FSTL5: variants seen among roughly 807,000 people sequenced by gnomAD.
The protein encoded by FSTL5 is follistatin-related protein 5.
FSTL5 carries 62 observed loss-of-function variants against 89.1 expected under a neutral mutation model. The observed-to-expected ratio is 0.70, with a 90% CI of 0.57 to 0.86. The LOEUF (loss-of-function observed/expected upper bound fraction) is 0.86, where lower values mean the gene tolerates loss of function less well. Among genes scored for constraint, FSTL5 ranks in the 40% least tolerant of loss-of-function variants. The probability of loss-of-function intolerance (pLI) is 0.00; values close to 1 mark genes in which losing one functional copy is unlikely to be tolerated. For synonymous variants in FSTL5, 383 were observed against 346.2 expected, an observed-to-expected ratio of 1.11 and a Z score of -1.18; for missense variants, 1,057 against 1,001.6, an observed-to-expected ratio of 1.06 and a Z score of -0.75.
intron 2 of FSTL5, among the ~76,000 whole-genome samples, chr4:162,037,881 C>T (rs1206858236): frequency 6.6e-6 from 1 of 151,874 alleles, no homozygotes; most frequent in Non-Finnish European, 1.5e-5. Flanking sequence ...TTTAATGTTA[C>T]ATTATTCACA....
chr4:161,452,905 A>G (rs1733221546), intron 15 of FSTL5, among the ~76,000 whole-genome samples: 1 of 152,218 alleles, frequency 6.6e-6, no homozygotes, highest in South Asian at 2.1e-4. Context: ...ATATAGAACT[A>G]AAATAAATGT....
At chr4:162,063,427 T>C (rs1461588618) in intron 2 of FSTL5, among the ~76,000 whole-genome samples, 1 of 151,882 alleles carries the variant, frequency 6.6e-6, no homozygotes, top group African/African-American at 2.4e-5. Context: ...TTCCTAAGTT[T>C]TATTGATAGC....
intron 6 of FSTL5, among the ~76,000 whole-genome samples, chr4:161,725,082 G>A (rs1278018605): frequency 6.6e-6 from 1 of 152,132 alleles, no homozygotes; most frequent in Non-Finnish European, 1.5e-5. Flanking sequence ...TGTAGTCCCA[G>A]CTACTCAGGA....
At chr4:161,715,341 A>G (rs747708744) in intron 6 of FSTL5, among the ~76,000 whole-genome samples, 6 of 152,194 alleles carry the variant, frequency 3.9e-5, no homozygotes, top group Admixed American at 6.5e-5. Flanking sequence ...AGATTTGTCT[A>G]CTGCCCAAAT....
In FSTL5 at chr4:161,846,042, C is replaced by T. The variant is rs867686669; in HGVS notation, c.410-69968G>A. 7.5e-4 allele frequency among the ~76,000 whole-genome samples: 64 copies of T among 85,414 alleles called. 1 individual carries two copies. In the Middle Eastern group the frequency reaches 0.015, roughly 21 times the overall value. 56.0% of individuals were successfully genotyped at this position (85,414 alleles called of 152,430 possible). On this transcript the variant is annotated intron_variant, in intron 4 of 15. Transcript: ENST00000306100. ...GGAGCCTGGGCAACAGAACAAGACT[C>T]CGTCTCAAAAAAAAAAAAAAATTGT...
intron 7 of FSTL5, among the ~76,000 whole-genome samples, chr4:161,616,434 C>T (rs4385007): frequency 0.18 from 26,828 of 152,014 alleles, 2,699 homozygotes; most frequent in East Asian, 0.35. Context: ...CCTTTGAACA[C>T]CAGACTCCAG....
intron 4 of FSTL5, among the ~76,000 whole-genome samples, chr4:161,867,872 A>G (rs1732141603): frequency 2.0e-5 from 3 of 151,970 alleles, no homozygotes; most frequent in African/African-American, 7.2e-5. Flanking sequence ...AAAATTATAG[A>G]TGATTGATTA....
chr4:162,031,742 C>A lies in FSTL5; in HGVS notation c.160+1883G>T, dbSNP rs1905362. Among the ~76,000 whole-genome samples, 1,052 of 152,180 alleles carry A rather than the reference C, an allele frequency of 6.9e-3. 10 individuals are homozygous for A. The highest frequency in any genetic ancestry group is 0.024 in the African/African-American group (1,005 of 41,534). On this transcript the variant is annotated intron_variant, in intron 3 of 15. Coordinates refer to ENST00000306100, the MANE Select transcript of FSTL5 (RefSeq NM_020116.5). ...TATGAGGTCAAGAGATCGAGACCGT[C>A]CTGGCCAAGACAGTGAAAGTCTGTC...
chr4:161,835,434 A>T (rs1731005433), intron 4 of FSTL5, among the ~76,000 whole-genome samples: 1 of 152,108 alleles, frequency 6.6e-6, no homozygotes, highest in African/African-American at 2.4e-5. Flanking sequence ...AATGGCAACA[A>T]AAGCCAAAAT....
chr4:161,602,259 GAGAGAGA>G (rs1734275556), intron 7 of FSTL5, among the ~76,000 whole-genome samples: 2 of 62,424 alleles, frequency 3.2e-5, no homozygotes, highest in African/African-American at 5.7e-5. Flanking sequence ...GAGAAAGAGA[GAGAGAGA>G]GAGAGAGAGA....
intron 1 of FSTL5, among the ~76,000 whole-genome samples, chr4:162,117,747 A>T (rs1315616008): frequency 2.6e-5 from 4 of 152,182 alleles, no homozygotes; most frequent in South Asian, 2.1e-4. Flanking sequence ...GTATCCAACC[A>T]CAAAGTTAAC....
intron 2 of FSTL5, among the ~76,000 whole-genome samples, chr4:162,036,969 T>C (rs1415391440): frequency 6.6e-6 from 1 of 151,960 alleles, no homozygotes; most frequent in African/African-American, 2.4e-5. Flanking sequence ...AAGCCTGTTA[T>C]GGAGTGTAGC....
At chr4:162,046,152 C>G (rs1483558) in intron 2 of FSTL5, among the ~76,000 whole-genome samples, 26 of 151,836 alleles carry the variant, frequency 1.7e-4, no homozygotes, top group Non-Finnish European at 3.2e-4. Flanking sequence ...TTATTTGGAA[C>G]GTACATGTCT....
At chr4:161,514,498 T>C (rs1457949174) in intron 10 of FSTL5, among the ~76,000 whole-genome samples, 1 of 152,108 alleles carries the variant, frequency 6.6e-6, no homozygotes, top group Non-Finnish European at 1.5e-5. Context: ...AAAAATAACA[T>C]ATTGGGTACA....
intron 15 of FSTL5, among the ~76,000 whole-genome samples, chr4:161,408,814 AG>A (rs1462681965): frequency 1.3e-5 from 2 of 152,238 alleles, no homozygotes; most frequent in African/African-American, 4.8e-5. Context: ...AGTTGAGGAA[AG>A]AATCTCAGAG....
intron 10 of FSTL5, among the ~76,000 whole-genome samples, chr4:161,521,590 T>C (rs1312834564): frequency 6.6e-6 from 1 of 152,040 alleles, no homozygotes; most frequent in Non-Finnish European, 1.5e-5. Flanking sequence ...GGCTCATGCC[T>C]CTAACCCCAG....
At chr4:161,552,457 G>A (rs926428754) in intron 8 of FSTL5, 2 of 151,500 alleles carry the variant, frequency 1.3e-5, no homozygotes, top group African/African-American at 4.8e-5. Context: ...TATTCATACT[G>A]GAAAATATAT....
chr4:161,843,604 C>T (rs1411378082), intron 4 of FSTL5, among the ~76,000 whole-genome samples: 2 of 152,020 alleles, frequency 1.3e-5, no homozygotes, highest in Non-Finnish European at 2.9e-5. Context: ...ATATATAGAC[C>T]AATGGACCGG....
chr4:161,538,426 T>G, intron 9 of FSTL5, 126 bp from the exon 10 acceptor site: 1 of 1,023,912 alleles, frequency 9.8e-7, no homozygotes. Context: ...CCTACTTCCA[T>G]ACTTTGAAGG....
Sources: allele counts gnomAD v4.1 joint callset (sites outside exome capture counted in the v4.1 genomes callset), GRCh38; gene constraint gnomAD v4.1.1; transcripts MANE v1.5; gene names NCBI Gene and HGNC (gene_info 2026-07-23, HGNC 2026-07-21).